LOC128462377: variants seen among roughly 807,000 people sequenced by gnomAD.
chr16:89,349,147 A>AAAAAAAAAAAAAAAAAAAAAAAG, the LOC128462377 span, among the ~76,000 whole-genome samples: 1 of 143,176 alleles, frequency 7.0e-6, no homozygotes, highest in Non-Finnish European at 1.5e-5. Flanking sequence ...AAAAAAAAAA[A>AAAAAAAAAAAAAAAAAAAAAAAG]AAAAAAAAAA....
At chr16:89,372,943 T>C in the LOC128462377 span, 2 of 152,222 alleles carry the variant, frequency 1.3e-5, no homozygotes, top group South Asian at 2.1e-4. Flanking sequence ...ACCCACAGAA[T>C]GCAAGCTGAC....
chr16:89,336,729 C>G, the LOC128462377 span, among the ~76,000 whole-genome samples: 5 of 152,228 alleles, frequency 3.3e-5, no homozygotes, highest in Non-Finnish European at 5.9e-5. Flanking sequence ...GGAGTCCCCA[C>G]TCTCTACCTA....
At chr16:89,398,160 C>T in the LOC128462377 span, among the ~76,000 whole-genome samples, 1 of 150,164 alleles carries the variant, frequency 6.7e-6, no homozygotes, top group African/African-American at 2.5e-5. Flanking sequence ...CTACCTGTGA[C>T]CTCAGCACTC....
At chr16:89,353,928 G>A in the LOC128462377 span, among the ~76,000 whole-genome samples, 1 of 152,244 alleles carries the variant, frequency 6.6e-6, no homozygotes, top group Non-Finnish European at 1.5e-5. Context: ...CTGCCACAGG[G>A]TGAGGGGCGG....
chr16:89,408,483 A>G, the LOC128462377 span, among the ~76,000 whole-genome samples: 22 of 152,306 alleles, frequency 1.4e-4, no homozygotes, highest in South Asian at 4.6e-3. Flanking sequence ...CAAGTGGCCG[A>G]CCCAGATTCC....
the LOC128462377 span, among the ~76,000 whole-genome samples, chr16:89,374,186 T>C: frequency 2.6e-5 from 4 of 152,214 alleles, no homozygotes; most frequent in Non-Finnish European, 5.9e-5. Flanking sequence ...GCAATTCTTT[T>C]TAAAAACATT....
the LOC128462377 span, among the ~76,000 whole-genome samples, chr16:89,406,374 C>T: frequency 1.3e-5 from 2 of 152,190 alleles, no homozygotes; most frequent in African/African-American, 4.8e-5. Context: ...GGCCACACTC[C>T]TGAGGGCGAC....
chr16:89,379,325 T>A, the LOC128462377 span, among the ~76,000 whole-genome samples: 1 of 152,232 alleles, frequency 6.6e-6, no homozygotes, highest in South Asian at 2.1e-4. Context: ...AACAATTTTA[T>A]AAAATAATTT....
the LOC128462377 span, among the ~76,000 whole-genome samples, chr16:89,378,632 T>C: frequency 3.3e-5 from 5 of 152,220 alleles, no homozygotes; most frequent in African/African-American, 1.2e-4. Context: ...GTAGCTTCTC[T>C]TGTTTGAAGA....
the LOC128462377 span, among the ~76,000 whole-genome samples, chr16:89,326,295 G>A: frequency 6.6e-6 from 1 of 152,174 alleles, no homozygotes; most frequent in Non-Finnish European, 1.5e-5. Flanking sequence ...GCAGGGAAGA[G>A]GAAGGTTAGA....
At chr16:89,344,141 G>A in the LOC128462377 span, among the ~76,000 whole-genome samples, 183 of 152,314 alleles carry the variant, frequency 1.2e-3, no homozygotes, top group African/African-American at 4.2e-3. Flanking sequence ...TGGAGTCTGT[G>A]CTCTGGGAGG....
the LOC128462377 span, among the ~76,000 whole-genome samples, chr16:89,338,048 C>T: frequency 6.6e-6 from 1 of 152,218 alleles, no homozygotes; most frequent in Non-Finnish European, 1.5e-5. Context: ...TCCCTACACA[C>T]CAGGACCACT....
the LOC128462377 span, among the ~76,000 whole-genome samples, chr16:89,366,436 C>T: frequency 6.6e-6 from 1 of 152,190 alleles, no homozygotes; most frequent in Non-Finnish European, 1.5e-5. Context: ...CTAATTTACA[C>T]TCCTGCCAAC....
At chr16:89,368,064 T>C in the LOC128462377 span, among the ~76,000 whole-genome samples, 5 of 152,216 alleles carry the variant, frequency 3.3e-5, no homozygotes, top group East Asian at 1.9e-4. Flanking sequence ...TCCGTTTATC[T>C]GAAAACCCTG....
the LOC128462377 span, among the ~76,000 whole-genome samples, chr16:89,385,524 G>T: frequency 6.6e-6 from 1 of 152,082 alleles, no homozygotes; most frequent in African/African-American, 2.4e-5. Context: ...GACCCTGTGG[G>T]TATCCCTGTG....
At chr16:89,319,283 A>C in the LOC128462377 span, among the ~76,000 whole-genome samples, 1 of 152,166 alleles carries the variant, frequency 6.6e-6, no homozygotes, top group South Asian at 2.1e-4. Context: ...CACTCCTGAG[A>C]CACCTGATTC....
At chr16:89,377,122 C>T in the LOC128462377 span, among the ~76,000 whole-genome samples, 1 of 152,204 alleles carries the variant, frequency 6.6e-6, no homozygotes, top group African/African-American at 2.4e-5. Context: ...CTTGGTCCCC[C>T]AGAACCCCGT....
At chr16:89,393,826 A>C in the LOC128462377 span, among the ~76,000 whole-genome samples, 9 of 152,178 alleles carry the variant, frequency 5.9e-5, no homozygotes, top group Admixed American at 5.9e-4. Context: ...TATTTAATGA[A>C]TAGGAGGAGA....
the LOC128462377 span, among the ~76,000 whole-genome samples, chr16:89,398,082 C>G: frequency 2.0e-5 from 3 of 151,412 alleles, no homozygotes; most frequent in Admixed American, 1.3e-4. Flanking sequence ...TGTGAAACAG[C>G]TGAAGATTAC....
Sources: gnomAD v4.1 joint callset for allele counts (sites outside exome capture counted in the v4.1 genomes callset) on GRCh38, gnomAD v4.1.1 for gene constraint, MANE v1.5 for transcripts.